ITGB6: variants seen among roughly 807,000 people sequenced by gnomAD.
The protein encoded by ITGB6 is integrin subunit beta 6, also known as integrin beta-6.
In ITGB6, 80 loss-of-function variants were observed where a neutral mutation model predicts 84.5. The ratio of observed to expected loss-of-function variants is 0.95; its 90% CI spans 0.79 to 1.14. ITGB6 has a LOEUF of 1.14. Ranked by LOEUF, ITGB6 falls within the 50% of genes most tolerant of loss-of-function variation. The probability of loss-of-function intolerance (pLI) is 0.00; values close to 1 mark genes in which losing one functional copy is unlikely to be tolerated. For missense variants in ITGB6, 1,006 were observed against 968.0 expected, an observed-to-expected ratio of 1.04 and a Z score of -0.52; for synonymous variants, 383 against 354.9, an observed-to-expected ratio of 1.08 and a Z score of -0.89.
chr2:160,169,434 ACT>A (rs1271028276), intron 6 of ITGB6, 127 bp from the exon 7 acceptor site: 1 of 558,858 alleles, frequency 1.8e-6, no homozygotes, highest in Non-Finnish European at 3.2e-6. Context: ...TAGCTCTATC[ACT>A]CTAAGTAAAC....
rs776455815 is a variant in ITGB6, at chr2:160,107,804, C to T, written c.2143G>A (p.Val715Ile). The T allele has an allele frequency of 1.9e-6, 3 of 1,613,488 alleles. No homozygotes were observed. The highest frequency in any genetic ancestry group is 2.5e-6 in the Non-Finnish European group (3 of 1,179,542). The stretch of plus-strand genomic sequence containing the variant: ...CCGATGAGAAGAATAGCCAGGGAAA[C>T]CCCTAACATGATCATGGGAATGTTT... ...PPNIPMIMLG[V>I]SLAILLIGVV... The change falls in exon 14 of 15, where the codon GTT becomes ATT. Residue 715 changes from valine to isoleucine, a missense_variant. Coordinates refer to ENST00000283249, the MANE Select transcript of ITGB6 (RefSeq NM_000888.5).
chr2:160,148,197 A>G (rs927119654), intron 7 of ITGB6, among the ~76,000 whole-genome samples: 2 of 152,260 alleles, frequency 1.3e-5, no homozygotes, highest in Admixed American at 6.5e-5. Flanking sequence ...AAATAGGCAT[A>G]TGAAAAGATG....
intron 8 of ITGB6, 147 bp downstream of exon 8, chr2:160,141,835 T>C (rs1324597125): frequency 7.4e-6 from 4 of 539,944 alleles, no homozygotes; most frequent in Non-Finnish European, 1.3e-5. Context: ...GAACAAAATT[T>C]ATATTTTGGC....
At chr2:160,173,257 C>T (rs1685288684) in intron 5 of ITGB6, among the ~76,000 whole-genome samples, 1 of 152,158 alleles carries the variant, frequency 6.6e-6, no homozygotes, top group Non-Finnish European at 1.5e-5. Flanking sequence ...GCCCGAAGGT[C>T]CTGTTAATTA....
chr2:160,181,957 G>A lies in ITGB6; in HGVS notation c.594-7818C>T, dbSNP rs551224337. On this transcript the variant is annotated intron_variant, in intron 4 of 14. Coordinates refer to ENST00000283249, the MANE Select transcript of ITGB6 (RefSeq NM_000888.5). ...GGAATAGCATCAATATCAACAAAAA[G>A]GACGTCCACACAAAAAACCCCATCC... Among the ~76,000 whole-genome samples the A allele has an allele frequency of 9.9e-5, 15 of 152,218 alleles. No homozygotes were observed. The South Asian group carries it at 2.3e-3, about 23-fold the overall frequency.
chr2:160,183,813 A>ATTAGAAC (rs1312426412), intron 4 of ITGB6, among the ~76,000 whole-genome samples: 4 of 152,244 alleles, frequency 2.6e-5, no homozygotes, highest in African/African-American at 9.6e-5. Flanking sequence ...GTGCAATCAA[A>ATTAGAAC]TTAGAACTGA....
chr2:160,185,656 T>C (rs1283015252), intron 4 of ITGB6, among the ~76,000 whole-genome samples: 4 of 152,086 alleles, frequency 2.6e-5, no homozygotes, highest in Non-Finnish European at 5.9e-5. Context: ...AAGGAGCCCA[T>C]TTAGCAAAGA....
intron 12 of ITGB6, among the ~76,000 whole-genome samples, chr2:160,120,313 T>G (rs1256660314): frequency 8.3e-6 from 1 of 119,770 alleles, no homozygotes; most frequent in Non-Finnish European, 1.7e-5. Flanking sequence ...GTGGCACATA[T>G]ACACCATGGA....
intron 7 of ITGB6, among the ~76,000 whole-genome samples, chr2:160,168,544 G>A (rs1043198473): frequency 2.0e-5 from 3 of 151,858 alleles, no homozygotes; most frequent in Non-Finnish European, 4.4e-5. Context: ...TCCTAGGCTG[G>A]GAAAAAAAAC....
chr2:160,172,500 A>G, intron 6 of ITGB6, 69 bp downstream of exon 6: 1 of 1,381,150 alleles, frequency 7.2e-7, no homozygotes, highest in Non-Finnish European at 1.0e-6. Flanking sequence ...TTTCACATGT[A>G]TTACACTAGT....
chr2:160,103,384 T>C (rs775780373), intron 14 of ITGB6, among the ~76,000 whole-genome samples: 1 of 152,204 alleles, frequency 6.6e-6, no homozygotes, highest in Non-Finnish European at 1.5e-5. Context: ...ATGCTACTTT[T>C]GTTATGTGCC....
intron 10 of ITGB6, among the ~76,000 whole-genome samples, chr2:160,127,963 T>C (rs1284242108): frequency 6.6e-6 from 1 of 152,178 alleles, no homozygotes; most frequent in Non-Finnish European, 1.5e-5. Context: ...GATGACATAA[T>C]GTATATATCT....
At chr2:160,143,660 AG>A (rs1309646976) in intron 7 of ITGB6, among the ~76,000 whole-genome samples, 2 of 152,240 alleles carry the variant, frequency 1.3e-5, no homozygotes, top group African/African-American at 4.8e-5. Context: ...AAAGGATTTA[AG>A]GCATCTCATA....
intron 12 of ITGB6, among the ~76,000 whole-genome samples, chr2:160,120,547 T>G (rs1574050823): frequency 1.7e-5 from 1 of 57,678 alleles, no homozygotes; most frequent in African/African-American, 6.9e-5. Flanking sequence ...GGGATAGCAT[T>G]GGGAGATATA....
chr2:160,128,269 C>T (rs1398126262), intron 10 of ITGB6, among the ~76,000 whole-genome samples: 1 of 74,700 alleles, frequency 1.3e-5, no homozygotes, highest in Non-Finnish European at 2.7e-5. Flanking sequence ...TACGGGTAGA[C>T]AATACAAAAA....
At chr2:160,139,871 G>C (rs907306303) in intron 8 of ITGB6, among the ~76,000 whole-genome samples, 1 of 152,198 alleles carries the variant, frequency 6.6e-6, no homozygotes, top group African/African-American at 2.4e-5. Context: ...TTATACGATC[G>C]GGGAAGAAAG....
chr2:160,177,161 T>C (rs1199211847), intron 4 of ITGB6, among the ~76,000 whole-genome samples: 1 of 152,226 alleles, frequency 6.6e-6, no homozygotes, highest in African/African-American at 2.4e-5. Flanking sequence ...AATTTTCATT[T>C]TATTATTACT....
At chr2:160,153,320 A>C (rs1684499752) in intron 7 of ITGB6, among the ~76,000 whole-genome samples, 1 of 152,244 alleles carries the variant, frequency 6.6e-6, no homozygotes, top group Non-Finnish European at 1.5e-5. Context: ...CAAACCTGAC[A>C]AAAACAAGCA....
At chr2:160,136,522 A>C (rs1683729596) in intron 10 of ITGB6, among the ~76,000 whole-genome samples, 3 of 151,592 alleles carry the variant, frequency 2.0e-5, no homozygotes, top group Admixed American at 6.6e-5. Context: ...AACTAGAAAT[A>C]CCATTTGACC....
Sources: gnomAD v4.1 joint callset for allele counts (sites outside exome capture counted in the v4.1 genomes callset) on GRCh38, gnomAD v4.1.1 for gene constraint, MANE v1.5 for transcripts, NCBI Gene and HGNC (gene_info 2026-07-23, HGNC 2026-07-21) for gene names.